Variants in DGKB observed in about 807,000 individuals in gnomAD.
The protein encoded by DGKB is diacylglycerol kinase beta, also known as 90 kDa diacylglycerol kinase.
DGKB carries 67 observed loss-of-function variants against 114.3 expected under a neutral mutation model. The observed-to-expected ratio is 0.59, with a 90% confidence interval of 0.48 to 0.72. DGKB has a LOEUF of 0.72. DGKB is among the 30% of genes least tolerant of loss of function. DGKB has a pLI of 0.00. For missense variants in DGKB, 907 were observed against 975.2 expected (o/e 0.93, Z 0.93); for synonymous variants, 398 against 323.1 (o/e 1.23, Z -2.49).
chr7:14,923,983 CAAAAAA>C (rs56032330), intron 1 of DGKB, among the ~76,000 whole-genome samples: 17,247 of 76,206 alleles, frequency 0.23, 1,640 homozygotes, highest in Middle Eastern at 0.28. Flanking sequence ...AGCTCCATCT[CAAAAAA>C]AAAAAAAAAA....
chr7:14,640,920 T>C (rs768426290), intron 13 of DGKB, among the ~76,000 whole-genome samples: 5 of 152,180 alleles, frequency 3.3e-5, no homozygotes, highest in Non-Finnish European at 5.9e-5. Context: ...GCATTCAAAA[T>C]GTAAAAATTA....
At chr7:14,940,490 A>C (rs139177260) in intron 1 of DGKB, among the ~76,000 whole-genome samples, 2,213 of 152,188 alleles carry the variant, frequency 0.015, 49 homozygotes, top group African/African-American at 0.05. Context: ...GCTGAAAGTT[A>C]ATGTGCCCCA....
At chr7:14,367,936 G>C (rs536607097) in intron 21 of DGKB, among the ~76,000 whole-genome samples, 1 of 152,082 alleles carries the variant, frequency 6.6e-6, no homozygotes, top group Non-Finnish European at 1.5e-5. Flanking sequence ...CTTGATACGT[G>C]GGGATTATGG....
intron 21 of DGKB, among the ~76,000 whole-genome samples, chr7:14,421,880 A>C (rs1398281976): frequency 6.6e-6 from 1 of 152,046 alleles, no homozygotes; most frequent in Non-Finnish European, 1.5e-5. Context: ...AGAAGTATCT[A>C]TTTAAGTGCC....
chr7:14,244,385 G>C (rs148964894), intron 23 of DGKB, among the ~76,000 whole-genome samples: 5 of 152,166 alleles, frequency 3.3e-5, no homozygotes, highest in South Asian at 2.1e-4. Context: ...GGCCGGGCGC[G>C]GTGGCTCACG....
At chr7:14,670,308 C>T (rs1346563535) in intron 13 of DGKB, among the ~76,000 whole-genome samples, 4 of 151,312 alleles carry the variant, frequency 2.6e-5, no homozygotes, top group Non-Finnish European at 1.5e-5. Context: ...TATACACACA[C>T]ACATTTTTTT....
At chr7:14,576,558 CGTGT>C (rs961028207) in intron 19 of DGKB, among the ~76,000 whole-genome samples, 5 of 151,794 alleles carry the variant, frequency 3.3e-5, no homozygotes, top group East Asian at 1.9e-4. Context: ...ATAGGAGTAT[CGTGT>C]GTGTGTATGT....
In DGKB at chr7:14,149,003, A is replaced by C; in HGVS notation, c.*128T>G. 1.2e-6 allele frequency: 1 copy of C among 810,882 alleles called. No homozygotes were observed. Among genetic ancestry groups the C allele is most frequent in the Non-Finnish European group, 2.0e-6 (1 of 496,816 alleles). The allele number at this position is 810,882 out of a possible 1,614,324, so 50.2% of individuals were successfully genotyped here. A position where few individuals can be genotyped will look rare whatever the true frequency, so the allele number is the denominator to read the frequency against. On this transcript the variant is annotated 3_prime_UTR_variant, in exon 26 of 26. Coordinates refer to ENST00000402815, the MANE Select transcript of DGKB (RefSeq NM_001350709.2). ...CTGAATTTTACATTAGCTTAGTAAC[A>C]AAAACTGTTAAACCACTTCCATGAT... is the stretch of plus-strand genomic sequence containing the variant.
chr7:14,598,896 T>C (rs1013608734), intron 17 of DGKB, among the ~76,000 whole-genome samples: 3 of 152,180 alleles, frequency 2.0e-5, no homozygotes, highest in African/African-American at 4.8e-5. Context: ...GCATTTCTGA[T>C]TGGTATATTT....
At chr7:14,416,788 C>T (rs924875539) in intron 21 of DGKB, among the ~76,000 whole-genome samples, 3 of 152,042 alleles carry the variant, frequency 2.0e-5, no homozygotes, top group Non-Finnish European at 2.9e-5. Flanking sequence ...AGTGTGAAAA[C>T]GGACTAATAC....
intron 21 of DGKB, among the ~76,000 whole-genome samples, chr7:14,374,579 T>C (rs1489549449): frequency 2.0e-5 from 3 of 152,198 alleles, no homozygotes; most frequent in African/African-American, 7.2e-5. Context: ...TTCATTTGAA[T>C]TTAGGATTAA....
At chr7:14,487,338 C>A (rs999484445) in intron 20 of DGKB, among the ~76,000 whole-genome samples, 1 of 151,944 alleles carries the variant, frequency 6.6e-6, no homozygotes, top group African/African-American at 2.4e-5. Flanking sequence ...TAGAATTGAC[C>A]TTAAATAATG....
intron 23 of DGKB, among the ~76,000 whole-genome samples, chr7:14,199,387 G>C (rs1404169854): frequency 6.6e-6 from 1 of 152,006 alleles, no homozygotes; most frequent in Non-Finnish European, 1.5e-5. Flanking sequence ...TCTGATCTAA[G>C]AAAGCATTTG....
At chr7:14,241,941 T>C (rs200548644) in intron 23 of DGKB, among the ~76,000 whole-genome samples, 10 of 78,422 alleles carry the variant, frequency 1.3e-4, no homozygotes, top group Non-Finnish European at 1.9e-4. Flanking sequence ...CATATAGATA[T>C]ATACACACAC....
At chr7:14,776,011 T>C (rs1432980896) in intron 2 of DGKB, among the ~76,000 whole-genome samples, 1 of 152,056 alleles carries the variant, frequency 6.6e-6, no homozygotes, top group Non-Finnish European at 1.5e-5. Flanking sequence ...ACCAAATTGC[T>C]AATAGTGATA....
intron 21 of DGKB, among the ~76,000 whole-genome samples, chr7:14,408,225 G>A (rs1167673241): frequency 6.6e-6 from 1 of 152,086 alleles, no homozygotes; most frequent in Non-Finnish European, 1.5e-5. Context: ...GTGATTGATT[G>A]GGATTTTATA....
intron 13 of DGKB, 144 bp from the exon 14 acceptor site, chr7:14,630,412 T>C: frequency 1.9e-6 from 1 of 528,996 alleles, no homozygotes; most frequent in South Asian, 3.2e-5. Context: ...TACTGCTTCC[T>C]TGAATTAAAT....
intron 25 of DGKB, among the ~76,000 whole-genome samples, chr7:14,154,445 A>G (rs536584415): frequency 6.6e-6 from 1 of 152,112 alleles, no homozygotes; most frequent in South Asian, 2.1e-4. Flanking sequence ...GCAAGTTACT[A>G]CGATTCATTT....
chr7:14,733,739 AAAGAAATAAAG>A (rs1384938061), intron 5 of DGKB, among the ~76,000 whole-genome samples: 761 of 12,288 alleles, frequency 0.062, 3 homozygotes, highest in African/African-American at 0.11. Context: ...AATAAAGAAG[AAAGAAATAAAG>A]AAGAAAGAAA....
Sources: gnomAD v4.1 joint callset for allele counts (sites outside exome capture counted in the v4.1 genomes callset) on GRCh38, gnomAD v4.1.1 for gene constraint, MANE v1.5 for transcripts, NCBI Gene and HGNC (gene_info 2026-07-23, HGNC 2026-07-21) for gene names.